The following SCHIP1 variants were observed in gnomAD, a reference collection of about 807,000 sequenced individuals.
The protein encoded by SCHIP1 is schwannomin-interacting protein 1.
Under a neutral mutation model 29.7 loss-of-function variants are expected in SCHIP1, and 8 were observed. The observed-to-expected ratio is 0.27, with a 90% confidence interval of 0.16 to 0.49. SCHIP1 has a LOEUF of 0.49. Ranked by LOEUF, SCHIP1 falls within the 20% of genes least tolerant of loss-of-function variation. The pLI, the probability that SCHIP1 is intolerant of heterozygous loss-of-function variation, is 0.99. For missense variants in SCHIP1, 193 were observed against 294.6 expected, an observed-to-expected ratio of 0.66 and a Z score of 2.52; for synonymous variants, 76 against 94.9, an observed-to-expected ratio of 0.80 and a Z score of 1.16.
chr3:159,679,099 C>T, the SCHIP1 span, among the ~76,000 whole-genome samples: 1 of 152,158 alleles, frequency 6.6e-6, no homozygotes, highest in South Asian at 2.1e-4. Flanking sequence ...ATTTAATTCT[C>T]ACAAAGCGTG....
chr3:159,797,576 C>CTTT, the SCHIP1 span, among the ~76,000 whole-genome samples: 6 of 145,338 alleles, frequency 4.1e-5, no homozygotes, highest in Non-Finnish European at 7.6e-5. Context: ...ATTTAAAGAT[C>CTTT]TTTTTTTTTT....
chr3:159,485,780 T>A, the SCHIP1 span, among the ~76,000 whole-genome samples: 2 of 152,172 alleles, frequency 1.3e-5, no homozygotes, highest in African/African-American at 2.4e-5. Context: ...TAATGCATAG[T>A]AGGGACTTGA....
the SCHIP1 span, among the ~76,000 whole-genome samples, chr3:159,591,204 C>A: frequency 7.2e-5 from 11 of 152,166 alleles, no homozygotes; most frequent in Non-Finnish European, 1.2e-4. Flanking sequence ...ATAGTCATGT[C>A]ATCTACAAAC....
At chr3:159,610,084 G>A in the SCHIP1 span, among the ~76,000 whole-genome samples, 87 of 152,300 alleles carry the variant, frequency 5.7e-4, no homozygotes, top group Non-Finnish European at 1.0e-3. Context: ...TTTTACAGAT[G>A]AGGAATCCCA....
At chr3:159,491,926 A>G in the SCHIP1 span, among the ~76,000 whole-genome samples, 2 of 152,240 alleles carry the variant, frequency 1.3e-5, no homozygotes, top group Non-Finnish European at 2.9e-5. Flanking sequence ...ATCAGGCAGC[A>G]GCATTTGCAG....
At chr3:159,447,945 A>G in the SCHIP1 span, among the ~76,000 whole-genome samples, 1,593 of 152,272 alleles carry the variant, frequency 0.01, 34 homozygotes, top group African/African-American at 0.037. Flanking sequence ...GCAGAGTCTC[A>G]TAGTGTGCTA....
At chr3:159,279,148 T>C in the SCHIP1 span, among the ~76,000 whole-genome samples, 2 of 152,152 alleles carry the variant, frequency 1.3e-5, no homozygotes, top group African/African-American at 4.8e-5. Context: ...ATAATCCCCA[T>C]GTGTCATGAG....
chr3:159,581,152 A>T, the SCHIP1 span, among the ~76,000 whole-genome samples: 3 of 152,192 alleles, frequency 2.0e-5, no homozygotes, highest in Non-Finnish European at 2.9e-5. Flanking sequence ...TGAAATAGAC[A>T]TGTTATCCCT....
chr3:159,832,229 A>G, the SCHIP1 span, among the ~76,000 whole-genome samples: 1 of 152,046 alleles, frequency 6.6e-6, no homozygotes, highest in Non-Finnish European at 1.5e-5. Context: ...ATCTTCCCCT[A>G]TCGCCACCAC....
the SCHIP1 span, among the ~76,000 whole-genome samples, chr3:159,396,685 G>T: frequency 2.0e-5 from 3 of 152,220 alleles, no homozygotes; most frequent in Non-Finnish European, 4.4e-5. Flanking sequence ...TCTGCTGAGA[G>T]ATCCGCTGTT....
chr3:159,519,958 G>A, the SCHIP1 span, among the ~76,000 whole-genome samples: 13 of 151,716 alleles, frequency 8.6e-5, no homozygotes, highest in Non-Finnish European at 1.3e-4. Flanking sequence ...TACAACTGGG[G>A]CACAGCACAA....
the SCHIP1 span, among the ~76,000 whole-genome samples, chr3:159,796,382 T>A: frequency 6.6e-6 from 1 of 151,918 alleles, no homozygotes; most frequent in Non-Finnish European, 1.5e-5. Flanking sequence ...GGAGGAGTGT[T>A]GGTTGTTGGG....
At chr3:159,729,153 AG>A in the SCHIP1 span, among the ~76,000 whole-genome samples, 2 of 152,084 alleles carry the variant, frequency 1.3e-5, no homozygotes, top group Non-Finnish European at 2.9e-5. Flanking sequence ...TCTAAAAAAA[AG>A]AAAAGAAAAG....
At chr3:159,590,983 C>T in the SCHIP1 span, among the ~76,000 whole-genome samples, 1 of 152,142 alleles carries the variant, frequency 6.6e-6, no homozygotes, top group African/African-American at 2.4e-5. Context: ...ACTTTCCTTG[C>T]ATACTTGGCT....
the SCHIP1 span, among the ~76,000 whole-genome samples, chr3:159,397,724 A>G: frequency 6.6e-6 from 1 of 152,136 alleles, no homozygotes; most frequent in Non-Finnish European, 1.5e-5. Context: ...CTCTCTTCAA[A>G]GCTGTCAGAC....
chr3:159,801,606 A>AT, the SCHIP1 span, among the ~76,000 whole-genome samples: 1 of 152,164 alleles, frequency 6.6e-6, no homozygotes, highest in Non-Finnish European at 1.5e-5. Flanking sequence ...TACTTCTTAA[A>AT]TTAAGTACAA....
In SCHIP1 at chr3:159,888,657, G is replaced by C. The variant is rs573839015; in HGVS notation, c.466-163G>C. On this transcript the variant is annotated intron_variant, in intron 4 of 6. Coordinates refer to ENST00000445224, the Ensembl canonical transcript of SCHIP1. ...AGTTGCATATTAGGTAATGTAGTGTGGATGTAGGGCCCCACATTGGGAAAG... is the reference window on the plus strand; with the variant it reads ...AGTTGCATATTAGGTAATGTAGTGTCGATGTAGGGCCCCACATTGGGAAAG... 3.1e-6 allele frequency: 3 copies of C among 977,420 alleles called. No homozygotes were observed. The South Asian group carries it at 5.6e-5, about 18-fold the overall frequency. 60.5% of individuals were successfully genotyped at this position (977,420 alleles called of 1,614,324 possible).
intron 1 of SCHIP1, among the ~76,000 whole-genome samples, chr3:159,843,822 CAAAAAAAAAAA>C (rs1161141544): frequency 3.7e-3 from 147 of 39,996 alleles, no homozygotes; most frequent in African/African-American, 3.8e-3. Context: ...GACTCTGTCT[CAAAAAAAAAAA>C]AAAAAAAAAA....
At chr3:159,601,899 C>A in the SCHIP1 span, among the ~76,000 whole-genome samples, 1 of 152,206 alleles carries the variant, frequency 6.6e-6, no homozygotes, top group African/African-American at 2.4e-5. Flanking sequence ...TGGGGAGATA[C>A]AAGGGCTATT....
Sources: allele counts gnomAD v4.1 joint callset (sites outside exome capture counted in the v4.1 genomes callset), GRCh38; gene constraint gnomAD v4.1.1; transcripts MANE v1.5; gene names NCBI Gene and HGNC (gene_info 2026-07-23, HGNC 2026-07-21).